Variants in SRR observed in about 807,000 individuals in gnomAD.
SRR encodes the protein serine racemase.
A neutral mutation model predicts 32.7 loss-of-function variants in SRR; 19 were observed. The ratio of observed to expected loss-of-function variants is 0.58; its 90% confidence interval spans 0.40 to 0.85. The LOEUF is 0.85. Among genes scored for constraint, SRR ranks in the 40% least tolerant of loss-of-function variants. SRR has a pLI of 0.00. For missense variants in SRR, 373 were observed against 404.7 expected (o/e 0.92, Z 0.67); for synonymous variants, 142 against 140.9 (o/e 1.01, Z -0.06).
chr17:2,317,347 T>C (rs2075483592), intron 2 of SRR, among the ~76,000 whole-genome samples: 1 of 149,800 alleles, frequency 6.7e-6, no homozygotes, highest in African/African-American at 2.5e-5. Context: ...CCGTCGCTAC[T>C]AAAAATACAA....
At position 2,319,794 on chromosome 17, in the gene SRR, A is replaced by T. The variant is rs139669759; in HGVS notation, c.399+865A>T. ...CTTTTTTGAGCAACCAGAGGTCTCC[A>T]TTTAATAAAGTCAGAACTTGTCTCT... is the stretch of plus-strand genomic sequence containing the variant. On this transcript the variant is annotated intron_variant, in intron 4 of 7. Transcript: ENST00000344595. 4.4e-4 allele frequency among the ~76,000 whole-genome samples: 66 copies of T among 150,148 alleles called. 2 individuals are homozygous for T. The East Asian group carries it at 0.01, about 23-fold the overall frequency.
At chr17:2,315,982 ATATG>A in intron 2 of SRR, among the ~76,000 whole-genome samples, 1 of 152,180 alleles carries the variant, frequency 6.6e-6, no homozygotes, top group East Asian at 1.9e-4. Context: ...ATTTTTATAT[ATATG>A]TATGTGCATA....
upstream of SRR, chr17:2,303,801 G>A: frequency 1.7e-6 from 2 of 1,209,252 alleles, no homozygotes; most frequent in Non-Finnish European, 2.2e-6. Context: ...GGCGGCGCGC[G>A]CGCTCGCCCA....
rs576200345 is a variant in SRR, at chr17:2,307,298, G to C, written c.-5+3281G>C. 363 of 1,101,320 alleles carry C rather than the reference G, an allele frequency of 3.3e-4. 9 individuals are homozygous for C. The South Asian group carries it at 4.1e-3, about 13-fold the overall frequency. The allele number at this position is 1,101,320 out of a possible 1,614,324, so 68.2% of individuals were successfully genotyped here. A position where few individuals can be genotyped will look rare whatever the true frequency, so the allele number is the denominator to read the frequency against. On this transcript the variant is annotated intron_variant, in intron 1 of 7. Coordinates refer to ENST00000344595, the MANE Select transcript of SRR (RefSeq NM_021947.3). Reference sequence around the variant, plus strand: ...GGCCACAACTGTGAAATTAGGAAAGGCCTGTCAAAGCAAGAGATGGTGAGT... The same window carrying C: ...GGCCACAACTGTGAAATTAGGAAAGCCCTGTCAAAGCAAGAGATGGTGAGT...
At chr17:2,306,944 A>G (rs2075395597) in intron 1 of SRR, 2 of 1,132,034 alleles carry the variant, frequency 1.8e-6, no homozygotes, top group East Asian at 2.3e-5. Context: ...TTTGCCACAT[A>G]TGCCACTGAG....
At chr17:2,323,106 G>T in intron 6 of SRR, 30 bp from the exon 7 acceptor site, 2 of 1,609,696 alleles carry the variant, frequency 1.2e-6, no homozygotes, top group Non-Finnish European at 1.7e-6. Context: ...GTGGTTTGTT[G>T]TTAAGATGTC....
chr17:2,307,409 G>A, intron 1 of SRR: 2 of 1,224,288 alleles, frequency 1.6e-6, no homozygotes, highest in Non-Finnish European at 2.4e-6. Flanking sequence ...GACAACTTTG[G>A]TTGTGAAGGA....
chr17:2,314,474 C>A lies in SRR; in HGVS notation c.-4-1083C>A, dbSNP rs565868937. ...GGCAGGTGCCTGTAGTCCCAGCTAC[C>A]AGGGAGGCTGAGGCAGGAGAATGGC... On this transcript the variant is annotated intron_variant, in intron 1 of 7. Coordinates refer to ENST00000344595, the MANE Select transcript of SRR (RefSeq NM_021947.3). Among the ~76,000 whole-genome samples the A allele has an allele frequency of 5.3e-5, 8 of 151,350 alleles. No homozygotes were observed. In the South Asian group the frequency reaches 1.7e-3, roughly 32 times the overall value.
chr17:2,322,751 C>T (rs1042447825), intron 6 of SRR: 3 of 219,226 alleles, frequency 1.4e-5, no homozygotes, highest in East Asian at 2.3e-4. Flanking sequence ...CTCCCTACCT[C>T]GTGATCCGCC....
In SRR at chr17:2,321,621, G is replaced by A; in HGVS notation, c.594+5G>A. On this transcript the variant is annotated splice_donor_5th_base_variant and intron_variant, in intron 6 of 7. Transcript: ENST00000344595. The stretch of plus-strand genomic sequence containing the variant: ...GGAATAGCAATTACAGTTAAGGTGA[G>A]CAGCTTCTGGAGGATTCCCTGCTTC... 1 of 1,613,692 alleles carries A rather than the reference G, an allele frequency of 6.2e-7. No individual in the cohort carries two copies. Among genetic ancestry groups the A allele is most frequent in the Non-Finnish European group, 8.5e-7 (1 of 1,179,846 alleles).
In SRR at chr17:2,307,739, T is replaced by G. The variant is rs562608437; in HGVS notation, c.-5+3722T>G. 3.0e-3 allele frequency: 2,938 copies of G among 970,266 alleles called. 18 individuals carry two copies. Among genetic ancestry groups the G allele is most frequent in the Non-Finnish European group, 3.6e-3 (2,226 of 614,060 alleles). The allele number at this position is 970,266 out of a possible 1,614,324, so 60.1% of individuals were successfully genotyped here. On this transcript the variant is annotated intron_variant, in intron 1 of 7. Coordinates refer to ENST00000344595, the MANE Select transcript of SRR (RefSeq NM_021947.3). ...TTTAATTAGGCAACAAAGCTTAGCA[T>G]GAGAGGAGAGCCAGCGAAGTGACAG... is the stretch of plus-strand genomic sequence containing the variant.
At chr17:2,319,771 T>A (rs2075508991) in intron 4 of SRR, among the ~76,000 whole-genome samples, 2 of 152,170 alleles carry the variant, frequency 1.3e-5, no homozygotes, top group Non-Finnish European at 2.9e-5. Flanking sequence ...ACTACAGGCT[T>A]TTTTGAGCAA....
At chr17:2,307,778 T>G (rs1597257644) in intron 1 of SRR, 1 of 798,422 alleles carries the variant, frequency 1.3e-6, no homozygotes, top group East Asian at 2.6e-5. Flanking sequence ...AGCTACAGGT[T>G]ACAACAGATT....
chr17:2,319,514 C>A (rs543259701), intron 4 of SRR, among the ~76,000 whole-genome samples: 5 of 152,100 alleles, frequency 3.3e-5, no homozygotes, highest in Admixed American at 6.6e-5. Flanking sequence ...CTCCTGGATT[C>A]AAGCAGTCCT....
At position 2,323,838 on chromosome 17, in the gene SRR, G is replaced by T; in HGVS notation, c.988G>T (p.Glu330Ter). ...CTCCATAACTTGGGTGAAGCAGGCT[G>T]AAAGGCCAGCTTCTTATCAGTCTGT... is the stretch of plus-strand genomic sequence containing the variant. ...TSSITWVKQA[E>*]RPASYQSVSV is the part of the protein sequence containing the mutation. Residue 330 changes from glutamate (E) to a stop codon, truncating the protein, a stop_gained, in exon 8 of 8, where the codon GAA (glutamate) becomes TAA (stop). Coordinates refer to ENST00000344595, the MANE Select transcript of SRR (RefSeq NM_021947.3). LOFTEE classifies it high-confidence loss of function. The T allele has an allele frequency of 6.2e-7, 1 of 1,614,180 alleles. No homozygotes were observed. Among genetic ancestry groups the T allele is most frequent in the Non-Finnish European group, 8.5e-7 (1 of 1,180,036 alleles).
intron 1 of SRR, chr17:2,307,700 C>A: frequency 9.8e-7 from 1 of 1,018,326 alleles, no homozygotes; most frequent in Non-Finnish European, 1.5e-6. Flanking sequence ...GTAGCTATGG[C>A]AGTGGCGGAA....
rs751381719 is a variant in SRR, at chr17:2,321,528, T to C, written c.520-14T>C. On this transcript the variant is annotated splice_polypyrimidine_tract_variant and intron_variant, in intron 5 of 7. Coordinates refer to ENST00000344595, the MANE Select transcript of SRR (RefSeq NM_021947.3). ...TAAATATAAAACTGCTTACAGTTTA[T>C]ATTTTCACTAAAGGTTCCTTTGGTG... 2 of 1,614,096 alleles carry C rather than the reference T, an allele frequency of 1.2e-6. No homozygotes were observed. The highest frequency in any genetic ancestry group is 1.7e-6 in the Non-Finnish European group (2 of 1,179,974).
At chr17:2,322,338 G>T (rs1460539398) in intron 6 of SRR, among the ~76,000 whole-genome samples, 1 of 152,066 alleles carries the variant, frequency 6.6e-6, no homozygotes, top group African/African-American at 2.4e-5. Context: ...CCATACCAAG[G>T]GGCTACCCTT....
intron 1 of SRR, among the ~76,000 whole-genome samples, chr17:2,304,463 G>C (rs1348890726): frequency 6.0e-5 from 9 of 149,460 alleles, no homozygotes; most frequent in African/African-American, 2.2e-4. Flanking sequence ...GGCTGGTCTC[G>C]AACTCCTGAC....
Sources: allele counts gnomAD v4.1 joint callset (sites outside exome capture counted in the v4.1 genomes callset), GRCh38; gene constraint gnomAD v4.1.1; transcripts MANE v1.5; gene names NCBI Gene and HGNC (gene_info 2026-07-23, HGNC 2026-07-21).